AKAP10: variants seen among roughly 807,000 people sequenced by gnomAD.
AKAP10 encodes A-kinase anchoring protein 10, also known as A-kinase anchor protein 10, mitochondrial.
A neutral mutation model predicts 80.8 loss-of-function variants in AKAP10; 24 were observed. That is an observed-to-expected ratio of 0.30 (90% confidence interval 0.22 to 0.42). The LOEUF (loss-of-function observed/expected upper bound fraction) is 0.42. Ranked by LOEUF, AKAP10 falls within the 10% of genes least tolerant of loss-of-function variation. AKAP10 has a pLI of 1.00. For missense variants in AKAP10, 661 were observed against 794.9 expected (o/e 0.83, Z 2.03); for synonymous variants, 291 against 277.7 (o/e 1.05, Z -0.48).
At chr17:19,957,298 T>A (rs997945026) in intron 4 of AKAP10, among the ~76,000 whole-genome samples, 2 of 151,962 alleles carry the variant, frequency 1.3e-5, no homozygotes, top group Admixed American at 1.3e-4. Flanking sequence ...TCCCAGCACT[T>A]TGGGAGGCCG....
intron 5 of AKAP10, among the ~76,000 whole-genome samples, chr17:19,945,255 T>G (rs1458390560): frequency 6.6e-6 from 1 of 152,180 alleles, no homozygotes; most frequent in African/African-American, 2.4e-5. Flanking sequence ...TGGTTTCATT[T>G]TAAGTGTTTT....
rs929281085 is a variant in AKAP10, at chr17:19,905,953, T to C, written c.*274A>G. On this transcript the variant is annotated 3_prime_UTR_variant, in exon 15 of 15. Transcript: ENST00000225737. ...CTAAAACACTCTCATAAATGGGTTA[T>C]TGCCATTGGAAAACTAATAATTTTC... The C allele has an allele frequency of 2.4e-5, 11 of 454,078 alleles. No homozygotes were observed. Among genetic ancestry groups the C allele is most frequent in the African/African-American group, 5.8e-5 (3 of 51,526 alleles). 28.1% of individuals were successfully genotyped at this position (454,078 alleles called of 1,614,324 possible). A position where few individuals can be genotyped will look rare whatever the true frequency, so the allele number is the denominator to read the frequency against.
rs776963930 is a variant in AKAP10, at chr17:19,936,380, C to G, written c.1373G>C (p.Arg458Pro). 6.2e-7 allele frequency: 1 copy of G among 1,613,464 alleles called. No individual in the cohort carries two copies. Among genetic ancestry groups the G allele is most frequent in the Non-Finnish European group, 8.5e-7 (1 of 1,179,560 alleles). ...GCAGATATTGGATTCAATTTCTAAT[C>G]GTACAACATCATCAAATCCAAGAGG... ...THPLGFDDVV[R>P]LEIESNICRE... Residue 458 changes from arginine to proline, a missense_variant, in exon 9 of 15, where the codon CGA (arginine) becomes CCA (proline). Transcript: ENST00000225737.
Position 19,917,254 on chromosome 17 carries a change from G to A in AKAP10, c.1834+2782C>T, listed in dbSNP as rs540042720. On this transcript the variant is annotated intron_variant, in intron 12 of 14. Transcript: ENST00000225737. ...CACTCCAGCCTGGCCGACAGAGAGAGACTCCATCTCAGGAAAAAAAAACAA... is the reference window on the plus strand; with the variant it reads ...CACTCCAGCCTGGCCGACAGAGAGAAACTCCATCTCAGGAAAAAAAAACAA... 4.0e-5 allele frequency among the ~76,000 whole-genome samples: 6 copies of A among 151,686 alleles called. No individual in the cohort carries two copies. In the South Asian group the frequency reaches 1.2e-3, roughly 32 times the overall value.
At chr17:19,960,525 AAC>A (rs908917228) in intron 3 of AKAP10, among the ~76,000 whole-genome samples, 4 of 152,236 alleles carry the variant, frequency 2.6e-5, no homozygotes, top group African/African-American at 9.6e-5. Context: ...TAAATGTATC[AAC>A]AGTTTGTTCC....
chr17:19,925,715 G>A (rs1357847400), intron 10 of AKAP10, among the ~76,000 whole-genome samples: 1 of 152,026 alleles, frequency 6.6e-6, no homozygotes, highest in African/African-American at 2.4e-5. Flanking sequence ...AGCAGGGGTG[G>A]GAGGGTAGGG....
intron 5 of AKAP10, 60 bp downstream of exon 5, chr17:19,947,347 T>C (rs553802795): frequency 3.6e-4 from 462 of 1,283,418 alleles, no homozygotes; most frequent in Non-Finnish European, 4.5e-4. Context: ...ATAACGAAAA[T>C]TGTCAGTTCT....
At chr17:19,975,230 G>C (rs531740772) in intron 1 of AKAP10, among the ~76,000 whole-genome samples, 97 of 152,100 alleles carry the variant, frequency 6.4e-4, no homozygotes, top group Non-Finnish European at 4.6e-4. Context: ...TGTTGCTCAG[G>C]CTGGTCTTGA....
chr17:19,953,167 T>C (rs1356990515), intron 4 of AKAP10, among the ~76,000 whole-genome samples: 1 of 152,084 alleles, frequency 6.6e-6, no homozygotes, highest in Non-Finnish European at 1.5e-5. Context: ...AAATAATTCA[T>C]TGGTAAAAGA....
intron 1 of AKAP10, among the ~76,000 whole-genome samples, chr17:19,975,469 T>C (rs1351530320): frequency 1.3e-5 from 2 of 152,170 alleles, no homozygotes; most frequent in Non-Finnish European, 2.9e-5. Context: ...GAACATGCGA[T>C]TCCCTGGCCT....
At position 19,904,989 on chromosome 17, in the gene AKAP10, A is replaced by G. The variant is rs1048754049; in HGVS notation, c.*1238T>C. On this transcript the variant is annotated 3_prime_UTR_variant, in exon 15 of 15. Coordinates refer to ENST00000225737, the MANE Select transcript of AKAP10 (RefSeq NM_007202.4). The stretch of plus-strand genomic sequence containing the variant: ...GTTCATTCAAGACTTTCTCAAGGAC[A>G]AAAGTGATTAATAATTATATATTTA... 1 of 141,556 alleles carries G rather than the reference A, an allele frequency of 7.1e-6. No individual in the cohort carries two copies. The highest frequency in any genetic ancestry group is 1.6e-5 in the Non-Finnish European group (1 of 63,544). The allele number at this position is 141,556 out of a possible 1,614,324, so 8.8% of individuals were successfully genotyped here.
intron 5 of AKAP10, among the ~76,000 whole-genome samples, chr17:19,942,147 C>T (rs1347528111): frequency 6.6e-6 from 1 of 152,000 alleles, no homozygotes; most frequent in Non-Finnish European, 1.5e-5. Context: ...CATAGAAACC[C>T]TCCAAAAACA....
At chr17:19,913,127 G>A (rs979985846) in intron 12 of AKAP10, among the ~76,000 whole-genome samples, 1 of 146,958 alleles carries the variant, frequency 6.8e-6, no homozygotes, top group Non-Finnish European at 1.5e-5. Flanking sequence ...ACAGGTACTC[G>A]TACCCGCCAC....
chr17:19,949,047 A>C (rs1245932305), intron 4 of AKAP10, among the ~76,000 whole-genome samples: 2 of 152,222 alleles, frequency 1.3e-5, no homozygotes, highest in African/African-American at 4.8e-5. Context: ...TAATTGTCAT[A>C]TAAAGAACCA....
chr17:19,959,704 A>G (rs946021171), intron 3 of AKAP10, among the ~76,000 whole-genome samples: 1 of 152,236 alleles, frequency 6.6e-6, no homozygotes, highest in African/African-American at 2.4e-5. Context: ...GATCATAAAG[A>G]TGGGCATTCT....
At chr17:19,966,586 G>C (rs943274561) in intron 2 of AKAP10, among the ~76,000 whole-genome samples, 3 of 123,818 alleles carry the variant, frequency 2.4e-5, no homozygotes, top group African/African-American at 8.8e-5. Context: ...TACTGCTTCT[G>C]TATTATCCTA....
chr17:19,931,977 A>C lies in AKAP10; in HGVS notation c.1469T>G (p.Val490Gly). 6.2e-7 allele frequency: 1 copy of C among 1,609,340 alleles called. No individual in the cohort carries two copies. The highest frequency in any genetic ancestry group is 8.5e-7 in the Non-Finnish European group (1 of 1,178,112). The change falls in exon 10 of 15, where the codon GTC becomes GGC. Residue 490 changes from valine (V) to glycine (G), a missense_variant and splice_region_variant. Coordinates refer to ENST00000225737, the MANE Select transcript of AKAP10 (RefSeq NM_007202.4). ...LRQAWTTMEK[V>G]FLPGFLSSNL... Reference sequence around the variant, plus strand: ...GCTGGACAAAAAGCCAGGCAAAAAGACCTGATAGAGATGAAAAGCATTATT... The same window carrying C: ...GCTGGACAAAAAGCCAGGCAAAAAGCCCTGATAGAGATGAAAAGCATTATT...
At position 19,958,419 on chromosome 17, in the gene AKAP10, C is replaced by A. The variant is rs754919210; in HGVS notation, c.472G>T (p.Ala158Ser). The A allele has an allele frequency of 3.1e-6, 5 of 1,614,052 alleles. No individual in the cohort carries two copies. ...MEHLVKFWLEAESFHSTTWSR... is the reference protein window; with the variant it reads ...MEHLVKFWLESESFHSTTWSR... ...CAAGTTGTTGAATGAAAACTTTCAGCCTCTAACCAAAATTTCACCAAATGC... is the reference window on the plus strand; with the variant it reads ...CAAGTTGTTGAATGAAAACTTTCAGACTCTAACCAAAATTTCACCAAATGC... Residue 158 changes from alanine to serine, a missense_variant, in exon 4 of 15, where the codon GCT (alanine) becomes TCT (serine). By Grantham distance (99) the Ala-to-Ser change is moderately conservative (BLOSUM62 1). Transcript: ENST00000225737.
chr17:19,972,548 C>T (rs1183602624), intron 1 of AKAP10, among the ~76,000 whole-genome samples: 1 of 151,640 alleles, frequency 6.6e-6, no homozygotes, highest in Non-Finnish European at 1.5e-5. Flanking sequence ...CTTCGCCTCC[C>T]GGGTTCAGGC....
Sources: gnomAD v4.1 joint callset for allele counts (sites outside exome capture counted in the v4.1 genomes callset) on GRCh38, gnomAD v4.1.1 for gene constraint, MANE v1.5 for transcripts, NCBI Gene and HGNC (gene_info 2026-07-23, HGNC 2026-07-21) for gene names.